Variants in MYPN observed in about 807,000 individuals in gnomAD.
MYPN encodes sarcomeric protein myopalladin, 145 kDa (MYOP).
MYPN carries 63 observed loss-of-function variants against 129.4 expected under a neutral mutation model. The ratio of observed to expected loss-of-function variants is 0.49; its 90% CI spans 0.40 to 0.60. MYPN has a LOEUF of 0.60. MYPN is among the 20% of genes least tolerant of loss of function. MYPN has a pLI of 0.00. For missense variants in MYPN, 1,596 were observed against 1,635.4 expected (o/e 0.98, Z 0.42); for synonymous variants, 629 against 600.9 (o/e 1.05, Z -0.68).
At chr10:68,139,695 A>G (rs1412594632) in intron 2 of MYPN, among the ~76,000 whole-genome samples, 1 of 152,220 alleles carries the variant, frequency 6.6e-6, no homozygotes, top group Non-Finnish European at 1.5e-5. Context: ...TGCTGCCACA[A>G]CAGAAATCAA....
At chr10:68,143,311 A>G (rs2042606760) in intron 3 of MYPN, among the ~76,000 whole-genome samples, 196 bp downstream of exon 3, 1 of 152,218 alleles carries the variant, frequency 6.6e-6, no homozygotes, top group African/African-American at 2.4e-5. Context: ...CAGAAAATAA[A>G]CAAGATAAAC....
intron 5 of MYPN, 43 bp downstream of exon 5, chr10:68,148,510 A>G (rs111435678): frequency 2.0e-6 from 3 of 1,488,012 alleles, no homozygotes; most frequent in African/African-American, 1.4e-5. Context: ...CCACTGTGAC[A>G]GACAGTCATG....
chr10:68,210,719 C>A lies in MYPN; in HGVS notation c.*264C>A. Reference sequence around the variant, plus strand: ...AAAGATGTCACACAGTTGCCATCCACTGCTTTGGGAAAAAACTAGCATGCT... The same window carrying A: ...AAAGATGTCACACAGTTGCCATCCAATGCTTTGGGAAAAAACTAGCATGCT... On this transcript the variant is annotated 3_prime_UTR_variant, in exon 20 of 20. Coordinates refer to ENST00000358913, the MANE Select transcript of MYPN (RefSeq NM_032578.4). The A allele has an allele frequency of 1.8e-6, 1 of 565,320 alleles. No homozygotes were observed. The highest frequency in any genetic ancestry group is 3.3e-6 in the Non-Finnish European group (1 of 298,674). 35.0% of individuals were successfully genotyped at this position (565,320 alleles called of 1,614,324 possible).
rs755705595 is a variant in MYPN, at chr10:68,159,505, A to AT, written c.1459+880dup. Among the ~76,000 whole-genome samples the AT allele has an allele frequency of 2.6e-5, 4 of 152,192 alleles. No homozygotes were observed. The East Asian group carries it at 7.7e-4, about 29-fold the overall frequency. ...AAGTCTTTGTATTTCTTTATTTCAC[A>AT]TTGGGTTCTTGCTCTTTTTTATTGT... is the stretch of plus-strand genomic sequence containing the variant. On this transcript the variant is annotated intron_variant, in intron 7 of 19. Coordinates refer to ENST00000358913, the MANE Select transcript of MYPN (RefSeq NM_032578.4).
intron 1 of MYPN, among the ~76,000 whole-genome samples, chr10:68,089,937 T>C (rs1291654808): frequency 1.3e-5 from 2 of 152,180 alleles, no homozygotes; most frequent in Non-Finnish European, 2.9e-5. Flanking sequence ...ATTTAGGGTA[T>C]CATTAGAGAA....
At chr10:68,148,303 A>C in intron 4 of MYPN, 50 bp from the exon 5 acceptor site, 1 of 1,411,432 alleles carries the variant, frequency 7.1e-7, no homozygotes, top group Non-Finnish European at 1.0e-6. Flanking sequence ...AATAATTTTC[A>C]CAAAGAGTGA....
Position 68,184,959 on chromosome 10 carries a change from T to A in MYPN, c.2704-3946T>A, listed in dbSNP as rs148736374. The stretch of plus-strand genomic sequence containing the variant: ...AGGAAACATCTGAAGCCACACAGCC[T>A]CCCCATTCCTGTTAACCATTTAAGG... On this transcript the variant is annotated intron_variant, in intron 12 of 19. Transcript: ENST00000358913. Among the ~76,000 whole-genome samples, 758 of 152,230 alleles carry A rather than the reference T, an allele frequency of 5.0e-3. 6 individuals carry two copies. The highest frequency in any genetic ancestry group is 0.017 in the African/African-American group (706 of 41,536).
chr10:68,145,579 C>A, intron 4 of MYPN, 53 bp downstream of exon 4: 1 of 1,445,572 alleles, frequency 6.9e-7, no homozygotes, highest in Non-Finnish European at 9.7e-7. Flanking sequence ...CAATTAATAG[C>A]TCAAAGAGAA....
intron 7 of MYPN, among the ~76,000 whole-genome samples, chr10:68,161,379 C>T (rs906160665): frequency 6.6e-6 from 1 of 152,074 alleles, no homozygotes; most frequent in East Asian, 1.9e-4. Flanking sequence ...GCCTATAATT[C>T]CAGCTACCTG....
chr10:68,164,824 G>C (rs1187381615), intron 8 of MYPN, among the ~76,000 whole-genome samples: 2 of 152,168 alleles, frequency 1.3e-5, no homozygotes, highest in African/African-American at 4.8e-5. Flanking sequence ...TAATACAAAA[G>C]TAGAAATGCA....
At chr10:68,106,800 A>G, upstream of MYPN, 1 of 717,232 alleles carries the variant, frequency 1.4e-6, no homozygotes, top group Non-Finnish European at 2.6e-6. Flanking sequence ...GATCATCCCA[A>G]TGTGAGTAAA....
At chr10:68,202,111 GTTTCA>G in intron 18 of MYPN, 117 bp downstream of exon 18, 6 of 1,222,446 alleles carry the variant, frequency 4.9e-6, no homozygotes, top group Non-Finnish European at 7.1e-6. Context: ...ATGCATTTGC[GTTTCA>G]TTGATATTAT....
In MYPN at chr10:68,109,522, G is replaced by A. The variant is rs1452006327; in HGVS notation, c.-203G>A. 11 of 453,926 alleles carry A rather than the reference G, an allele frequency of 2.4e-5. No homozygotes were observed. The East Asian group carries it at 5.6e-4, about 23-fold the overall frequency. 28.1% of individuals were successfully genotyped at this position (453,926 alleles called of 1,614,324 possible). ...AATGCTCTGGCTCCGGTGGTGACAG[G>A]TTGTCCAGCTTCTTACAGCCATCTT... On this transcript the variant is annotated 5_prime_UTR_variant, in exon 1 of 20. Transcript: ENST00000358913.
Position 68,161,859 on chromosome 10 carries a change from T to G in MYPN, c.1483+107T>G, listed in dbSNP as rs1035598636. 3 of 985,570 alleles carry G rather than the reference T, an allele frequency of 3.0e-6. No homozygotes were observed. The African/African-American group carries it at 5.0e-5, about 16-fold the overall frequency. The allele number at this position is 985,570 out of a possible 1,614,324, so 61.1% of individuals were successfully genotyped here. ...TGAATAAAAAGTGAAAAATAAAGTTTTAGGAAAAAAAGATCCAAATGGGCC... is the reference window on the plus strand; with the variant it reads ...TGAATAAAAAGTGAAAAATAAAGTTGTAGGAAAAAAAGATCCAAATGGGCC... On this transcript the variant is annotated intron_variant, in intron 8 of 19. Transcript: ENST00000358913.
chr10:68,163,680 T>C (rs1398713875), intron 8 of MYPN, among the ~76,000 whole-genome samples: 3 of 151,976 alleles, frequency 2.0e-5, no homozygotes, highest in South Asian at 2.1e-4. Flanking sequence ...ATAGCAACAA[T>C]GGGGATGCAA....
upstream of MYPN, among the ~76,000 whole-genome samples, chr10:68,106,955 C>T (rs1416046783): frequency 6.6e-6 from 1 of 152,188 alleles, no homozygotes; most frequent in Non-Finnish European, 1.5e-5. Context: ...CTTGTGTTTG[C>T]TTGCCACTTA....
At chr10:68,176,868 T>C (rs983479845) in intron 12 of MYPN, among the ~76,000 whole-genome samples, 3 of 152,176 alleles carry the variant, frequency 2.0e-5, no homozygotes, top group African/African-American at 7.2e-5. Context: ...GTGTTTTCAG[T>C]TTTACAGAAC....
At chr10:68,177,339 CCTGAGAATTATTATT>C (rs2043242770) in intron 12 of MYPN, among the ~76,000 whole-genome samples, 2 of 152,162 alleles carry the variant, frequency 1.3e-5, no homozygotes, top group Admixed American at 1.3e-4. Context: ...ATGTCATTCT[CCTGAGAATTATTATT>C]CTGAGAATTA....
At chr10:68,126,688 G>A (rs752195550) in intron 2 of MYPN, among the ~76,000 whole-genome samples, 1 of 152,136 alleles carries the variant, frequency 6.6e-6, no homozygotes, top group Non-Finnish European at 1.5e-5. Context: ...CAAGTTTGTG[G>A]ACCTGGATAC....
Sources: allele counts gnomAD v4.1 joint callset (sites outside exome capture counted in the v4.1 genomes callset), GRCh38; gene constraint gnomAD v4.1.1; transcripts MANE v1.5; gene names NCBI Gene and HGNC (gene_info 2026-07-23, HGNC 2026-07-21).